Variants in PDE3B observed in about 807,000 individuals in gnomAD.
PDE3B encodes the protein phosphodiesterase 3B.
PDE3B carries 66 observed loss-of-function variants against 116.8 expected under a neutral mutation model. That is an observed-to-expected ratio of 0.56 (90% CI 0.46 to 0.69). The LOEUF (loss-of-function observed/expected upper bound fraction) is 0.69, where lower values mean the gene tolerates loss of function less well. Among genes scored for constraint, PDE3B ranks in the 30% least tolerant of loss-of-function variants. The pLI is 0.00. For synonymous variants in PDE3B, 595 were observed against 533.6 expected (o/e 1.12, Z -1.59); for missense variants, 1,384 against 1,368.1 (o/e 1.01, Z -0.18).
At chr11:14,726,839 A>G (rs116329984) in intron 1 of PDE3B, among the ~76,000 whole-genome samples, 222 of 152,310 alleles carry the variant, frequency 1.5e-3, no homozygotes, top group African/African-American at 4.9e-3. Context: ...CAGGTGAGGT[A>G]GGGAGAGTGA....
At chr11:14,762,021 A>G (rs1857372671) in intron 1 of PDE3B, among the ~76,000 whole-genome samples, 1 of 152,158 alleles carries the variant, frequency 6.6e-6, no homozygotes, top group Non-Finnish European at 1.5e-5. Context: ...AATAAAGACA[A>G]GTCAGCTGGG....
intron 12 of PDE3B, among the ~76,000 whole-genome samples, chr11:14,847,224 C>T (rs1376089014): frequency 6.6e-6 from 1 of 151,978 alleles, no homozygotes; most frequent in Non-Finnish European, 1.5e-5. Flanking sequence ...ACTGAACAAC[C>T]TGCTCCTGAA....
chr11:14,778,486 G>A lies in PDE3B; in HGVS notation c.1029+6499G>A, dbSNP rs550182027. 1.9e-4 allele frequency among the ~76,000 whole-genome samples: 29 copies of A among 152,264 alleles called. No homozygotes were observed. The South Asian group carries it at 5.8e-3, about 30-fold the overall frequency. On this transcript the variant is annotated intron_variant, in intron 2 of 15. Coordinates refer to ENST00000282096, the MANE Select transcript of PDE3B (RefSeq NM_000922.4). Reference sequence around the variant, plus strand: ...ACGAAGCTTCCAGAGGAACGATCAGGCAGCAACATTTGCCTTTCTGCAATA... The same window carrying A: ...ACGAAGCTTCCAGAGGAACGATCAGACAGCAACATTTGCCTTTCTGCAATA...
At chr11:14,881,553 A>G in the PDE3B span, among the ~76,000 whole-genome samples, 18 of 152,196 alleles carry the variant, frequency 1.2e-4, no homozygotes, top group East Asian at 1.5e-3. Context: ...GTGATTCCCA[A>G]TGTTGGAGGT....
intron 6 of PDE3B, 95 bp from the exon 7 acceptor site, chr11:14,819,041 A>T: frequency 1.4e-6 from 1 of 719,290 alleles, no homozygotes; most frequent in Non-Finnish European, 2.4e-6. Context: ...TGCAGTTGGG[A>T]TCTTGGTTAA....
chr11:14,649,832 T>G (rs1853519252), intron 1 of PDE3B, among the ~76,000 whole-genome samples: 1 of 152,202 alleles, frequency 6.6e-6, no homozygotes, highest in Non-Finnish European at 1.5e-5. Context: ...AACTGACTAT[T>G]GCCTGCTTCG....
intron 2 of PDE3B, chr11:14,776,101 C>T (rs1857776413): frequency 6.6e-6 from 1 of 152,274 alleles, no homozygotes; most frequent in African/African-American, 2.4e-5. Flanking sequence ...TCTCTTATGA[C>T]CCACACCCAA....
chr11:14,804,103 A>T lies in PDE3B; in HGVS notation c.1522+53A>T, dbSNP rs1033964609. 4.4e-5 allele frequency: 40 copies of T among 911,544 alleles called. No individual in the cohort carries two copies. The South Asian group carries it at 5.5e-4, about 12-fold the overall frequency. 56.5% of individuals were successfully genotyped at this position (911,544 alleles called of 1,614,324 possible). A position where few individuals can be genotyped will look rare whatever the true frequency, so the allele number is the denominator to read the frequency against. On this transcript the variant is annotated intron_variant, in intron 5 of 15. Transcript: ENST00000282096. Reference sequence around the variant, plus strand: ...TATGGGGGTTCTCAAAGTATATGGTAGTGTAAACACTTTTCATCACATATT... The same window carrying T: ...TATGGGGGTTCTCAAAGTATATGGTTGTGTAAACACTTTTCATCACATATT...
chr11:14,896,165 TTGTA>T, the PDE3B span, among the ~76,000 whole-genome samples: 1 of 152,252 alleles, frequency 6.6e-6, no homozygotes, highest in Non-Finnish European at 1.5e-5. Flanking sequence ...TCATGATATC[TTGTA>T]TTCCTTTCCT....
intron 1 of PDE3B, among the ~76,000 whole-genome samples, chr11:14,663,625 C>T (rs961853976): frequency 6.6e-6 from 1 of 152,144 alleles, no homozygotes; most frequent in Admixed American, 6.5e-5. Context: ...CAATCCTAGT[C>T]TCTGATAAAA....
intron 10 of PDE3B, among the ~76,000 whole-genome samples, chr11:14,834,680 A>G (rs1199715444): frequency 2.0e-5 from 3 of 152,240 alleles, no homozygotes; most frequent in African/African-American, 2.4e-5. Flanking sequence ...TAATCCAGAC[A>G]CTACATGATA....
chr11:14,810,163 T>C (rs1209501618), intron 5 of PDE3B, among the ~76,000 whole-genome samples: 3 of 152,114 alleles, frequency 2.0e-5, no homozygotes, highest in Non-Finnish European at 4.4e-5. Flanking sequence ...ATAACATTTT[T>C]TTTTCTTTTA....
chr11:14,664,175 A>G (rs919272275), intron 1 of PDE3B, among the ~76,000 whole-genome samples: 1 of 152,252 alleles, frequency 6.6e-6, no homozygotes, highest in African/African-American at 2.4e-5. Context: ...TACTGGGTAA[A>G]TAATGAAATG....
intron 12 of PDE3B, 49 bp from the exon 13 acceptor site, chr11:14,858,994 C>G (rs2133989261): frequency 3.0e-6 from 4 of 1,323,250 alleles, no homozygotes; most frequent in Non-Finnish European, 4.3e-6. Flanking sequence ...AGATATTAAA[C>G]TTTAATATCT....
intron 12 of PDE3B, among the ~76,000 whole-genome samples, chr11:14,847,195 A>T (rs1847626919): frequency 6.6e-6 from 1 of 152,156 alleles, no homozygotes; most frequent in South Asian, 2.1e-4. Context: ...CTCACTCAAA[A>T]CCGCTCAACT....
chr11:14,864,345 A>C (rs1191445025), intron 14 of PDE3B, among the ~76,000 whole-genome samples: 1 of 152,104 alleles, frequency 6.6e-6, no homozygotes, highest in Non-Finnish European at 1.5e-5. Context: ...GACTCCCACA[A>C]AATAATAGTG....
chr11:14,884,983 A>G, the PDE3B span, among the ~76,000 whole-genome samples: 1 of 152,034 alleles, frequency 6.6e-6, no homozygotes, highest in African/African-American at 2.4e-5. Flanking sequence ...GTCTTTTACA[A>G]TTTGTGCTTT....
chr11:14,889,969 A>T, the PDE3B span, among the ~76,000 whole-genome samples: 1 of 151,924 alleles, frequency 6.6e-6, no homozygotes, highest in South Asian at 2.1e-4. Flanking sequence ...TCTACTAAAA[A>T]TTACAAAAAA....
chr11:14,892,710 T>C, the PDE3B span, among the ~76,000 whole-genome samples: 6 of 152,214 alleles, frequency 3.9e-5, no homozygotes, highest in Non-Finnish European at 8.8e-5. Flanking sequence ...TAAAAGAAAG[T>C]AATTTTACTG....
Sources: gnomAD v4.1 joint callset for allele counts (sites outside exome capture counted in the v4.1 genomes callset) on GRCh38, gnomAD v4.1.1 for gene constraint, MANE v1.5 for transcripts, NCBI Gene and HGNC (gene_info 2026-07-23, HGNC 2026-07-21) for gene names.